Variants in LRRC53 observed in about 807,000 individuals in gnomAD.
LRRC53 encodes leucine rich repeat containing 53, also known as leucine-rich repeat-containing protein 53.
Under a neutral mutation model 13.6 loss-of-function variants are expected in LRRC53, and 25 were observed. That is an observed-to-expected ratio of 1.83 (90% CI 1.34 to 2.56). The LOEUF (loss-of-function observed/expected upper bound fraction) is 2.56. Among genes scored for constraint, LRRC53 ranks in the 30% most tolerant of loss-of-function variants. The pLI, the probability that LRRC53 is intolerant of heterozygous loss-of-function variation, is 0.00. For synonymous variants in LRRC53, 204 were observed against 109.8 expected, an observed-to-expected ratio of 1.86 and a Z score of -5.37; for missense variants, 527 against 275.8, an observed-to-expected ratio of 1.91 and a Z score of -6.45.
rs1293196607 is a variant in LRRC53 at position 74,475,620 on chromosome 1, C to G, written c.1095G>C (p.Lys365Asn). The G allele has an allele frequency of 7.0e-6, 5 of 717,222 alleles. No homozygotes were observed. Among genetic ancestry groups the G allele is most frequent in the Admixed American group, 2.0e-5 (1 of 49,990 alleles). 44.4% of individuals were successfully genotyped at this position (717,222 alleles called of 1,614,324 possible). The change falls in exon 4 of 5, where the codon AAG (lysine) becomes AAC (asparagine). Residue 365 changes from lysine to asparagine, a missense_variant. Transcript: ENST00000294635. ...TTCTGGACCCCACAGTGGACATGAC[C>G]TTTATCTCGTTTTCCTGAGTTAAGT... is the stretch of plus-strand genomic sequence containing the variant. ...NCHLTQENEI[K>N]VMSTVGSRKE... is the part of the protein sequence containing the mutation.
chr1:74,523,071 T>C, the LRRC53 span, among the ~76,000 whole-genome samples: 92 of 152,336 alleles, frequency 6.0e-4, no homozygotes, highest in African/African-American at 1.8e-3. Flanking sequence ...TGAGCTTCAG[T>C]ATAGGTTCTG....
At chr1:74,521,286 C>T in the LRRC53 span, among the ~76,000 whole-genome samples, 3 of 152,094 alleles carry the variant, frequency 2.0e-5, no homozygotes, top group East Asian at 5.8e-4. Flanking sequence ...TTTCTAGTTG[C>T]TCTTTGCTTC....
At position 74,480,644 on chromosome 1, in the gene LRRC53, A is replaced by G; in HGVS notation, c.413T>C (p.Leu138Pro). The G allele has an allele frequency of 1.4e-6, 1 of 717,302 alleles. No individual in the cohort carries two copies. Among genetic ancestry groups the G allele is most frequent in the South Asian group, 1.5e-5 (1 of 67,602 alleles). 44.4% of individuals were successfully genotyped at this position (717,302 alleles called of 1,614,324 possible). The change falls in exon 3 of 5, where the codon CTG becomes CCG. Residue 138 changes from leucine to proline, a missense_variant. Transcript: ENST00000294635. Reference protein sequence around the residue: ...RNTSGLTRLQLDGNQITNLTD... With the variant: ...RNTSGLTRLQPDGNQITNLTD... Reference sequence around the variant, plus strand: ...GAGATTAGTAATCTGATTCCCATCCAGCTGGAGCCGGGTCAGGCCGCTTGT... The same window carrying G: ...GAGATTAGTAATCTGATTCCCATCCGGCTGGAGCCGGGTCAGGCCGCTTGT...
chr1:74,532,297 T>G, the LRRC53 span, among the ~76,000 whole-genome samples: 1 of 152,198 alleles, frequency 6.6e-6, no homozygotes, highest in Admixed American at 6.6e-5. Flanking sequence ...AAGCTGATTC[T>G]GATTTTGCTC....
chr1:74,474,122 A>T (rs1277584438), intron 4 of LRRC53, among the ~76,000 whole-genome samples: 1 of 152,150 alleles, frequency 6.6e-6, no homozygotes, highest in Non-Finnish European at 1.5e-5. Flanking sequence ...AAAACAACAG[A>T]CTGGGTTTTA....
chr1:74,519,638 T>C, the LRRC53 span, among the ~76,000 whole-genome samples: 3 of 152,126 alleles, frequency 2.0e-5, no homozygotes, highest in African/African-American at 7.3e-5. Context: ...AGAATAGAGA[T>C]AAAAACTTCT....
intron 1 of LRRC53, chr1:74,489,305 G>A (rs761357387): frequency 1.4e-5 from 22 of 1,549,646 alleles, no homozygotes; most frequent in Middle Eastern, 1.7e-4. Flanking sequence ...ATCCAAGGCT[G>A]TCAGGGAATG....
chr1:74,508,313 C>T (rs1167293918), intron 1 of LRRC53, among the ~76,000 whole-genome samples: 1 of 152,142 alleles, frequency 6.6e-6, no homozygotes, highest in Admixed American at 6.5e-5. Context: ...ATAAGTGTAA[C>T]CATACTGAGT....
chr1:74,496,121 T>G (rs1048059276), intron 1 of LRRC53, among the ~76,000 whole-genome samples: 1 of 152,144 alleles, frequency 6.6e-6, no homozygotes, highest in African/African-American at 2.4e-5. Flanking sequence ...GGCATCAGAA[T>G]GCTTTAAAGT....
the LRRC53 span, among the ~76,000 whole-genome samples, chr1:74,519,621 G>A: frequency 7.2e-5 from 11 of 152,114 alleles, no homozygotes; most frequent in Non-Finnish European, 1.5e-4. Context: ...AAAATCATAA[G>A]AAAGCCAGAA....
upstream of LRRC53, among the ~76,000 whole-genome samples, chr1:74,513,082 C>T (rs1005593173): frequency 5.3e-5 from 8 of 152,198 alleles, no homozygotes; most frequent in African/African-American, 1.7e-4. Flanking sequence ...TCAAGGGATT[C>T]TGTTGTTAGA....
chr1:74,492,294 A>G, intron 1 of LRRC53: 1 of 1,457,892 alleles, frequency 6.9e-7, no homozygotes, highest in Non-Finnish European at 9.2e-7. Context: ...CAAATCTCAC[A>G]GTAAAGTCTT....
chr1:74,476,801 T>C (rs1376278650), intron 3 of LRRC53, among the ~76,000 whole-genome samples: 1 of 152,172 alleles, frequency 6.6e-6, no homozygotes, highest in East Asian at 1.9e-4. Context: ...ATGTCTAGTT[T>C]TATCCACTGG....
the LRRC53 span, among the ~76,000 whole-genome samples, chr1:74,523,080 T>A: frequency 6.6e-6 from 1 of 152,352 alleles, no homozygotes; most frequent in African/African-American, 2.4e-5. Context: ...GTATAGGTTC[T>A]GTCTGATTCC....
chr1:74,484,201 C>A, intron 1 of LRRC53, among the ~76,000 whole-genome samples: 1 of 121,416 alleles, frequency 8.2e-6, no homozygotes, highest in African/African-American at 2.9e-5. Context: ...ATAATATCTT[C>A]CCTGGTTGAT....
chr1:74,480,761 G>C lies in LRRC53; in HGVS notation c.296C>G (p.Thr99Ser), dbSNP rs373331354. ...GTGAAGCTTGCTGAAGGTGTGATCA[G>C]TGAGCGAAGAGCTGGATATTTGGTT... is the stretch of plus-strand genomic sequence containing the variant. ...EHNQISSSSLTDHTFSKLHSL... is the reference protein window; with the variant it reads ...EHNQISSSSLSDHTFSKLHSL... Residue 99 changes from threonine (T) to serine (S), a missense_variant, in exon 3 of 5, where the codon ACT becomes AGT. By Grantham distance (58) the Thr-to-Ser change is moderately conservative (BLOSUM62 1). Transcript: ENST00000294635. 6.7e-5 allele frequency: 48 copies of C among 717,530 alleles called. No homozygotes were observed. In the East Asian group the frequency reaches 1.3e-3, roughly 19 times the overall value. The allele number at this position is 717,530 out of a possible 1,614,324, so 44.4% of individuals were successfully genotyped here. A position where few individuals can be genotyped will look rare whatever the true frequency, so the allele number is the denominator to read the frequency against.
At chr1:74,485,867 A>G in intron 1 of LRRC53, among the ~76,000 whole-genome samples, 1 of 152,132 alleles carries the variant, frequency 6.6e-6, no homozygotes, top group African/African-American at 2.4e-5. Flanking sequence ...TACAACCACA[A>G]AGAAATCAGT....
At position 74,512,510 on chromosome 1, in the gene LRRC53, A is replaced by G. The variant is rs1171281131; in HGVS notation, c.-27+16T>C. 1 of 152,188 alleles carries G rather than the reference A, an allele frequency of 6.6e-6. No homozygotes were observed. The highest frequency in any genetic ancestry group is 6.5e-5 in the Admixed American group (1 of 15,274). The allele number at this position is 152,188 out of a possible 1,614,324, so 9.4% of individuals were successfully genotyped here. The stretch of plus-strand genomic sequence containing the variant: ...GCCATCATAACAAAAACACCAAAAG[A>G]AAGAAATTAACTTACCCAAAGGTCT... On this transcript the variant is annotated intron_variant, in intron 1 of 4. Transcript: ENST00000294635.
upstream of LRRC53, among the ~76,000 whole-genome samples, chr1:74,515,134 T>C (rs1570728035): frequency 6.6e-6 from 1 of 152,178 alleles, no homozygotes; most frequent in African/African-American, 2.4e-5. Flanking sequence ...CTCTGGACTT[T>C]TAACCTGCAT....
Sources: allele counts gnomAD v4.1 joint callset (sites outside exome capture counted in the v4.1 genomes callset), GRCh38; gene constraint gnomAD v4.1.1; transcripts MANE v1.5; gene names NCBI Gene and HGNC (gene_info 2026-07-23, HGNC 2026-07-21).